Variants in KDM2A observed in about 807,000 individuals in gnomAD.
KDM2A encodes lysine-specific demethylase 2A.
A neutral mutation model predicts 137.3 loss-of-function variants in KDM2A; 3 were observed. That is an observed-to-expected ratio of 0.02 (90% CI 0.01 to 0.06). The LOEUF (loss-of-function observed/expected upper bound fraction) is 0.06, where lower values mean the gene tolerates loss of function less well. KDM2A is among the 10% of genes least tolerant of loss of function. KDM2A has a pLI of 1.00. For synonymous variants in KDM2A, 512 were observed against 541.5 expected (o/e 0.95, Z 0.76); for missense variants, 738 against 1,510.6 (o/e 0.49, Z 8.48).
rs1046886705 is a variant in KDM2A, at chr11:67,157,339, C to A, written c.43-22740C>A. On this transcript the variant is annotated intron_variant, in intron 2 of 20. Transcript: ENST00000529006. Reference sequence around the variant, plus strand: ...TCTCAAAAAAAAAAAAAACAAAAAACACCACACAGTTGGCAAATTTTGAAT... The same window carrying A: ...TCTCAAAAAAAAAAAAAACAAAAAAAACCACACAGTTGGCAAATTTTGAAT... Among the ~76,000 whole-genome samples the A allele has an allele frequency of 1.1e-3, 151 of 139,206 alleles. 2 individuals are homozygous for A. The highest frequency in any genetic ancestry group is 1.8e-3 in the Non-Finnish European group (114 of 63,664). 91.3% of individuals were successfully genotyped at this position (139,206 alleles called of 152,430 possible). A position where few individuals can be genotyped will look rare whatever the true frequency, so the allele number is the denominator to read the frequency against.
At position 67,250,306 on chromosome 11, in the gene KDM2A, GGCGGCAGTTGCT is replaced by G; in HGVS notation, c.2282_2293del (p.Gln761_Arg764del). 1 of 1,613,932 alleles carries G rather than the reference GGCGGCAGTTGCT, an allele frequency of 6.2e-7. No individual in the cohort carries two copies. Among genetic ancestry groups the G allele is most frequent in the Non-Finnish European group, 8.5e-7 (1 of 1,179,894 alleles). On this transcript the variant is annotated inframe_deletion, in exon 17 of 21. Coordinates refer to ENST00000529006, the MANE Select transcript of KDM2A (RefSeq NM_012308.3). This position sits in a 1 kb window ranked among gnomAD's most constrained non-coding sequence, Gnocchi z 7.1. Reference sequence around the variant, plus strand: ...GCCAGCCGCGATGAGCGCTTCAAACGGCGGCAGTTGCTGCGGCTGCAGGCCACAGAGCGCACC... The same window carrying G: ...GCCAGCCGCGATGAGCGCTTCAAACGGCGGCTGCAGGCCACAGAGCGCACC...
At chr11:67,159,807 G>T (rs1856596052) in intron 2 of KDM2A, among the ~76,000 whole-genome samples, 1 of 152,104 alleles carries the variant, frequency 6.6e-6, no homozygotes, top group African/African-American at 2.4e-5. Context: ...GAATGGATCT[G>T]TTTTTGCAGC....
intron 12 of KDM2A, among the ~76,000 whole-genome samples, chr11:67,241,606 G>A (rs762052401): frequency 1.6e-4 from 25 of 152,234 alleles, no homozygotes; most frequent in Middle Eastern, 6.8e-3. Flanking sequence ...AGTGTTTGCC[G>A]AAACAGTTAC....
intron 5 of KDM2A, among the ~76,000 whole-genome samples, chr11:67,186,371 CA>C (rs1857207646): frequency 6.6e-6 from 1 of 152,116 alleles, no homozygotes; most frequent in Non-Finnish European, 1.5e-5. Context: ...AAAAGGAAAA[CA>C]AAACAAAACT....
At chr11:67,207,934 G>C (rs1278657866) in intron 6 of KDM2A, among the ~76,000 whole-genome samples, 7 of 152,152 alleles carry the variant, frequency 4.6e-5, no homozygotes, top group Non-Finnish European at 1.0e-4. Context: ...AAGAGGCTGA[G>C]GTGGGAGGAT....
At chr11:67,214,505 A>C in intron 6 of KDM2A, among the ~76,000 whole-genome samples, 1 of 151,894 alleles carries the variant, frequency 6.6e-6, no homozygotes, top group Admixed American at 6.6e-5. Context: ...CACTGGGCCT[A>C]ATTTTGTATT....
chr11:67,147,564 T>A (rs1856281874), intron 2 of KDM2A, among the ~76,000 whole-genome samples: 1 of 151,512 alleles, frequency 6.6e-6, no homozygotes, highest in Admixed American at 6.6e-5. Flanking sequence ...AAGATGCAAC[T>A]TTCACTGGAT....
chr11:67,175,309 A>G (rs990154027), intron 2 of KDM2A, among the ~76,000 whole-genome samples: 1 of 152,180 alleles, frequency 6.6e-6, no homozygotes, highest in African/African-American at 2.4e-5. Flanking sequence ...CACACCTGTA[A>G]TCCCAGCACT....
chr11:67,246,216 A>C, intron 15 of KDM2A, 100 bp downstream of exon 15: 1 of 1,292,880 alleles, frequency 7.7e-7, no homozygotes, highest in South Asian at 1.3e-5. Flanking sequence ...TCCCTACTGT[A>C]GGCCATCAGC....
At chr11:67,208,233 T>G (rs1056747065) in intron 6 of KDM2A, among the ~76,000 whole-genome samples, 13 of 151,390 alleles carry the variant, frequency 8.6e-5, no homozygotes, top group Admixed American at 7.9e-4. Flanking sequence ...AATTTATTAT[T>G]ATTAAAAAAA....
chr11:67,222,670 A>T (rs1442219747), intron 10 of KDM2A, among the ~76,000 whole-genome samples: 2 of 126,964 alleles, frequency 1.6e-5, no homozygotes, highest in Non-Finnish European at 3.3e-5. Context: ...GCGCCCCTCA[A>T]AACTCTGTCA....
At chr11:67,139,741 G>A (rs1015331838) in intron 2 of KDM2A, among the ~76,000 whole-genome samples, 16 of 151,656 alleles carry the variant, frequency 1.1e-4, no homozygotes, top group Non-Finnish European at 1.3e-4. Context: ...ACAGAGTCTC[G>A]CTCTGTCACT....
intron 16 of KDM2A, among the ~76,000 whole-genome samples, chr11:67,249,399 G>C (rs547993238): frequency 2.6e-5 from 4 of 152,278 alleles, no homozygotes; most frequent in African/African-American, 9.6e-5. Context: ...CAGAGAACAG[G>C]GTTGTTGCTT....
At chr11:67,157,618 G>A (rs569661320) in intron 2 of KDM2A, among the ~76,000 whole-genome samples, 204 of 151,590 alleles carry the variant, frequency 1.3e-3, no homozygotes, top group African/African-American at 4.6e-3. Context: ...AGTGGCACGC[G>A]CCTGAAATCC....
Position 67,250,867 on chromosome 11 carries a change from C to T in KDM2A, c.2768+69C>T. 3.5e-6 allele frequency: 4 copies of T among 1,156,582 alleles called. No individual in the cohort carries two copies. In the Admixed American group the frequency reaches 9.4e-5, roughly 27 times the overall value. The allele number at this position is 1,156,582 out of a possible 1,614,324, so 71.6% of individuals were successfully genotyped here. A position where few individuals can be genotyped will look rare whatever the true frequency, so the allele number is the denominator to read the frequency against. The stretch of plus-strand genomic sequence containing the variant: ...AGGTGGCAGGTTTTCCATATGAGAA[C>T]AGCATGCACCTTGGCATCTGAAAGC... On this transcript the variant is annotated intron_variant, in intron 17 of 20. Coordinates refer to ENST00000529006, the MANE Select transcript of KDM2A (RefSeq NM_012308.3). This position sits in a 1 kb window ranked among gnomAD's most constrained non-coding sequence, Gnocchi z 7.1.
intron 5 of KDM2A, among the ~76,000 whole-genome samples, chr11:67,193,274 G>A (rs940878061): frequency 1.3e-5 from 2 of 152,188 alleles, no homozygotes; most frequent in African/African-American, 4.8e-5. Flanking sequence ...ACAGGCGTGA[G>A]CCACCGCACC....
chr11:67,161,766 T>C (rs1201000609), intron 2 of KDM2A, among the ~76,000 whole-genome samples: 1 of 152,210 alleles, frequency 6.6e-6, no homozygotes. Flanking sequence ...CTATTATTTG[T>C]CTTTTTTGCT....
chr11:67,158,501 G>T (rs1055832643), intron 2 of KDM2A, among the ~76,000 whole-genome samples: 1 of 152,156 alleles, frequency 6.6e-6, no homozygotes, highest in African/African-American at 2.4e-5. Flanking sequence ...CAAAGTAGCT[G>T]TACTATTTTG....
At chr11:67,156,839 A>G (rs1020879076) in intron 2 of KDM2A, among the ~76,000 whole-genome samples, 1 of 151,852 alleles carries the variant, frequency 6.6e-6, no homozygotes, top group African/African-American at 2.4e-5. Flanking sequence ...CAGTGAGCCG[A>G]GATCGCGCCA....
Sources: gnomAD v4.1 joint callset for allele counts (sites outside exome capture counted in the v4.1 genomes callset) on GRCh38, gnomAD v4.1.1 for gene constraint, Gnocchi (gnomAD v3.1) non-coding constraint, MANE v1.5 for transcripts, NCBI Gene and HGNC (gene_info 2026-07-23, HGNC 2026-07-21) for gene names.